XKR4: variants seen among roughly 807,000 people sequenced by gnomAD.
XKR4 encodes XK related 4.
Under a neutral mutation model 53.9 loss-of-function variants are expected in XKR4, and 12 were observed. That is an observed-to-expected ratio of 0.22 (90% confidence interval 0.14 to 0.36). XKR4 has a LOEUF of 0.36. XKR4 is among the 10% of genes least tolerant of loss of function. The pLI is 1.00. For synonymous variants in XKR4, 354 were observed against 362.4 expected, an observed-to-expected ratio of 0.98 and a Z score of 0.26; for missense variants, 799 against 859.5, an observed-to-expected ratio of 0.93 and a Z score of 0.88.
intron 1 of XKR4, among the ~76,000 whole-genome samples, chr8:55,222,945 C>A (rs1817900937): frequency 6.6e-6 from 1 of 152,086 alleles, no homozygotes; most frequent in Admixed American, 6.5e-5. Context: ...AGGGCAACAT[C>A]ATGAGGTTGA....
intron 1 of XKR4, chr8:55,135,425 G>A (rs972251096): frequency 3.0e-6 from 1 of 330,954 alleles, no homozygotes; most frequent in South Asian, 2.4e-5. Context: ...GTTGGATGTT[G>A]TATGAATAGG....
At chr8:55,362,014 G>A (rs187448868) in intron 2 of XKR4, among the ~76,000 whole-genome samples, 98 of 152,162 alleles carry the variant, frequency 6.4e-4, no homozygotes, top group African/African-American at 2.2e-3. Flanking sequence ...TTTTCTTATC[G>A]TTGTTAAGCC....
At chr8:55,132,687 A>C (rs16921196) in intron 1 of XKR4, among the ~76,000 whole-genome samples, 20,384 of 152,166 alleles carry the variant, frequency 0.13, 1,767 homozygotes, top group Middle Eastern at 0.29. Context: ...TCAGACCATT[A>C]ACTTCAAGGT....
At chr8:55,417,424 C>T (rs1788699383) in intron 2 of XKR4, among the ~76,000 whole-genome samples, 2 of 152,164 alleles carry the variant, frequency 1.3e-5, no homozygotes, top group South Asian at 4.1e-4. Flanking sequence ...TTCTCTGGCA[C>T]AAGGTAGACA....
At chr8:55,118,980 T>G (rs1175024433) in intron 1 of XKR4, among the ~76,000 whole-genome samples, 3 of 152,156 alleles carry the variant, frequency 2.0e-5, no homozygotes. Flanking sequence ...CATATATACA[T>G]GTGATCATGT....
intron 2 of XKR4, among the ~76,000 whole-genome samples, chr8:55,512,086 G>GA (rs1489913775): frequency 1.3e-5 from 2 of 152,164 alleles, no homozygotes; most frequent in Non-Finnish European, 2.9e-5. Context: ...TCAAATCCAT[G>GA]AAAAATGGGT....
chr8:55,167,419 G>A (rs1817084950), intron 1 of XKR4, among the ~76,000 whole-genome samples: 1 of 152,150 alleles, frequency 6.6e-6, no homozygotes, highest in Non-Finnish European at 1.5e-5. Flanking sequence ...AAGACCTCAT[G>A]AGTATGATGC....
At position 55,195,409 on chromosome 8, in the gene XKR4, G is replaced by GT. The variant is rs1454469044; in HGVS notation, c.806+92121dup. 1.4e-5 allele frequency among the ~76,000 whole-genome samples: 2 copies of GT among 142,390 alleles called. 1 individual carries two copies. Among genetic ancestry groups the GT allele is most frequent in the Non-Finnish European group, 3.1e-5 (2 of 64,480 alleles). 93.4% of individuals were successfully genotyped at this position (142,390 alleles called of 152,430 possible). A position where few individuals can be genotyped will look rare whatever the true frequency, so the allele number is the denominator to read the frequency against. The stretch of plus-strand genomic sequence containing the variant: ...GCAAGTATAATTGCATGATCAATTA[G>GT]TTTTTTAAATAAAATATACTATTAT... On this transcript the variant is annotated intron_variant, in intron 1 of 2. Coordinates refer to ENST00000327381, the MANE Select transcript of XKR4 (RefSeq NM_052898.2).
At chr8:55,241,474 C>T (rs1008855180) in intron 1 of XKR4, among the ~76,000 whole-genome samples, 8 of 147,194 alleles carry the variant, frequency 5.4e-5, no homozygotes, top group African/African-American at 1.9e-4. Flanking sequence ...AGGCACATGA[C>T]CAATCCCTGG....
At chr8:55,103,339 A>C (rs371407502) in intron 1 of XKR4, 45 bp downstream of exon 1, 1 of 1,548,434 alleles carries the variant, frequency 6.5e-7, no homozygotes, top group Admixed American at 1.9e-5. Flanking sequence ...TGCTGCTACT[A>C]CATCCCCACT....
intron 1 of XKR4, among the ~76,000 whole-genome samples, chr8:55,253,778 G>C (rs1181435564): frequency 6.8e-6 from 1 of 146,228 alleles, no homozygotes; most frequent in Non-Finnish European, 1.5e-5. Context: ...CTGTTGCCCA[G>C]GTTGGGATGC....
intron 1 of XKR4, among the ~76,000 whole-genome samples, chr8:55,213,856 CTTTTTTTTTTTTTTTT>C (rs11433893): frequency 1.2e-5 from 1 of 82,346 alleles, no homozygotes; most frequent in Non-Finnish European, 2.2e-5. Context: ...TTCTTTCTTT[CTTTTTTTTTTTTTTTT>C]TTTTTTTTTT....
At chr8:55,140,280 A>G in intron 1 of XKR4, 1 of 279,888 alleles carries the variant, frequency 3.6e-6, no homozygotes, top group Admixed American at 5.0e-5. Context: ...GGGAAGTGTG[A>G]CAATTCAGGA....
chr8:55,523,556 TG>T lies in XKR4; in HGVS notation c.1285del (p.Glu429LysfsTer35). 1 of 1,614,128 alleles carries T rather than the reference TG, an allele frequency of 6.2e-7. No individual in the cohort carries two copies. On this transcript the variant is annotated frameshift_variant, in exon 3 of 3. Coordinates refer to ENST00000327381, the MANE Select transcript of XKR4 (RefSeq NM_052898.2). LOFTEE classifies it high-confidence loss of function. Reference protein sequence around the residue: ...HCETEFCITKWEEIVFDMVVG... With the variant: ...HCETEFCITKXEEIVFDMVVG... The stretch of plus-strand genomic sequence containing the variant: ...TGAGACAGAATTCTGTATCACCAAA[TG>T]GGAAGAGATTGTGTTCGACATGGTG...
chr8:55,445,796 A>G (rs1283499936), intron 2 of XKR4, among the ~76,000 whole-genome samples: 2 of 152,230 alleles, frequency 1.3e-5, no homozygotes, highest in Non-Finnish European at 2.9e-5. Context: ...TTGTAAGAGT[A>G]ACGGTTACCA....
intron 2 of XKR4, among the ~76,000 whole-genome samples, chr8:55,514,374 A>T (rs756529404): frequency 1.3e-5 from 2 of 150,744 alleles, no homozygotes; most frequent in Non-Finnish European, 2.9e-5. Flanking sequence ...CTCCTGCCTC[A>T]GCCTCCCGAG....
intron 1 of XKR4, among the ~76,000 whole-genome samples, chr8:55,199,040 A>G (rs1817541751): frequency 6.6e-6 from 1 of 152,188 alleles, no homozygotes; most frequent in Admixed American, 6.5e-5. Flanking sequence ...ACTTATCTCA[A>G]TGTGGACAAC....
In XKR4 at chr8:55,539,115, A is replaced by T. The variant is rs1302901675; in HGVS notation, c.*14888A>T. The T allele has an allele frequency of 6.6e-6, 1 of 152,224 alleles. No individual in the cohort carries two copies. The highest frequency in any genetic ancestry group is 1.5e-5 in the Non-Finnish European group (1 of 68,030). 9.4% of individuals were successfully genotyped at this position (152,224 alleles called of 1,614,324 possible). A position where few individuals can be genotyped will look rare whatever the true frequency, so the allele number is the denominator to read the frequency against. On this transcript the variant is annotated 3_prime_UTR_variant, in exon 3 of 3. Coordinates refer to ENST00000327381, the MANE Select transcript of XKR4 (RefSeq NM_052898.2). Reference sequence around the variant, plus strand: ...GTGACAAGTTTTCTTGTACTTAAAAATTTAATCCTGATAAGAACTAATGTG... The same window carrying T: ...GTGACAAGTTTTCTTGTACTTAAAATTTTAATCCTGATAAGAACTAATGTG...
At chr8:55,370,583 G>A (rs1030983128) in intron 2 of XKR4, among the ~76,000 whole-genome samples, 1 of 152,172 alleles carries the variant, frequency 6.6e-6, no homozygotes, top group Non-Finnish European at 1.5e-5. Context: ...TCTGACCAAT[G>A]AGAAGTTGTG....
Sources: gnomAD v4.1 joint callset for allele counts (sites outside exome capture counted in the v4.1 genomes callset) on GRCh38, gnomAD v4.1.1 for gene constraint, MANE v1.5 for transcripts, NCBI Gene and HGNC (gene_info 2026-07-23, HGNC 2026-07-21) for gene names.